LRCH3: variants seen among roughly 807,000 people sequenced by gnomAD.
The protein encoded by LRCH3 is leucine rich repeats and calponin homology domain containing 3, also known as DISP complex protein LRCH3.
LRCH3 carries 68 observed loss-of-function variants against 104.5 expected under a neutral mutation model. The ratio of observed to expected loss-of-function variants is 0.65; its 90% CI spans 0.54 to 0.80. The LOEUF (loss-of-function observed/expected upper bound fraction) is 0.80. LRCH3 is among the 30% of genes least tolerant of loss of function. The probability of loss-of-function intolerance (pLI) is 0.00; values close to 1 mark genes in which losing one functional copy is unlikely to be tolerated. For missense variants in LRCH3, 951 were observed against 953.9 expected (o/e 1.00, Z 0.04); for synonymous variants, 344 against 361.3 (o/e 0.95, Z 0.54).
chr3:197,880,297 C>A (rs1713630820), intron 20 of LRCH3, among the ~76,000 whole-genome samples: 1 of 152,176 alleles, frequency 6.6e-6, no homozygotes, highest in African/African-American at 2.4e-5. Flanking sequence ...GAATTTTATT[C>A]TGCTATTTAG....
Position 197,835,693 on chromosome 3 carries a change from G to C in LRCH3, c.1122G>C (p.Gln374His). The C allele has an allele frequency of 6.2e-7, 1 of 1,613,680 alleles. No homozygotes were observed. Among genetic ancestry groups the C allele is most frequent in the Non-Finnish European group, 8.5e-7 (1 of 1,179,842 alleles). Residue 374 changes from glutamine (Q) to histidine (H), a missense_variant, in exon 9 of 21, where the codon CAG (glutamine) becomes CAC (histidine). Gln to His is a conservative substitution (Grantham distance 24). Transcript: ENST00000425562. ...ATACAGTGGAACATGATCTGGATCA[G>C]ATTGACTACATAGACAGCTGCACCG... is the stretch of plus-strand genomic sequence containing the variant. The part of the protein sequence containing the change: ...TNGGVEHDLD[Q>H]IDYIDSCTAE...
chr3:197,849,552 C>T (rs1022056246), intron 12 of LRCH3, among the ~76,000 whole-genome samples: 3 of 152,122 alleles, frequency 2.0e-5, no homozygotes, highest in African/African-American at 7.2e-5. Flanking sequence ...AACCATTTCT[C>T]TTTCCCTTAA....
chr3:197,804,428 A>C (rs1189135830), intron 1 of LRCH3, among the ~76,000 whole-genome samples: 1 of 152,012 alleles, frequency 6.6e-6, no homozygotes, highest in Non-Finnish European at 1.5e-5. Context: ...CCTCAGCTGC[A>C]CCCCTCCTTA....
intron 20 of LRCH3, among the ~76,000 whole-genome samples, chr3:197,879,457 T>A (rs184728368): frequency 1.8e-4 from 27 of 150,418 alleles, no homozygotes; most frequent in Non-Finnish European, 8.8e-5. Flanking sequence ...CCATCCTGGC[T>A]AACATGGTGA....
chr3:197,814,679 C>T (rs2109183761), intron 1 of LRCH3, among the ~76,000 whole-genome samples: 1 of 152,252 alleles, frequency 6.6e-6, no homozygotes, highest in African/African-American at 2.4e-5. Flanking sequence ...AAAACCTCAG[C>T]ATATTTTCTG....
intron 10 of LRCH3, among the ~76,000 whole-genome samples, chr3:197,843,858 A>G (rs1738198172): frequency 6.6e-6 from 1 of 152,222 alleles, no homozygotes; most frequent in Non-Finnish European, 1.5e-5. Context: ...AATATTTCTT[A>G]AGCACTATAG....
chr3:197,859,070 A>G lies in LRCH3; in HGVS notation c.1716+165A>G, dbSNP rs1191881396. ...ATTGATTTCCCTTGAAATTTTTTGA[A>G]AGTTTTATGATGCTAGAGATAGTCA... On this transcript the variant is annotated intron_variant, in intron 15 of 20. Coordinates refer to ENST00000425562, the MANE Select transcript of LRCH3 (RefSeq NM_001365715.1). 2.2e-5 allele frequency: 14 copies of G among 624,982 alleles called. No individual in the cohort carries two copies. In the Admixed American group the frequency reaches 2.6e-4, roughly 12 times the overall value. 38.7% of individuals were successfully genotyped at this position (624,982 alleles called of 1,614,324 possible). A position where few individuals can be genotyped will look rare whatever the true frequency, so the allele number is the denominator to read the frequency against.
At position 197,883,668 on chromosome 3, in the gene LRCH3, G is replaced by T. The variant is rs551785943; in HGVS notation, c.*2G>T. The T allele has an allele frequency of 2.0e-6, 3 of 1,535,698 alleles. No homozygotes were observed. In the Admixed American group the frequency reaches 5.9e-5, roughly 30 times the overall value. On this transcript the variant is annotated 3_prime_UTR_variant, in exon 21 of 21. Coordinates refer to ENST00000425562, the MANE Select transcript of LRCH3 (RefSeq NM_001365715.1). This position sits in a 1 kb window ranked among gnomAD's most constrained non-coding sequence, Gnocchi z 4.2. ...CAGCACCAGTTATCTGCTGTTTGAG[G>T]ATCCCCAGGACGGTGGGCACTGGCC...
chr3:197,863,331 C>T (rs966401695), intron 15 of LRCH3, among the ~76,000 whole-genome samples: 14 of 152,128 alleles, frequency 9.2e-5, no homozygotes, highest in Non-Finnish European at 1.2e-4. Flanking sequence ...GGCGCCATCT[C>T]GGCTCACTGC....
intron 1 of LRCH3, among the ~76,000 whole-genome samples, chr3:197,794,138 A>G (rs1302183636): frequency 4.6e-5 from 7 of 152,200 alleles, no homozygotes; most frequent in African/African-American, 1.7e-4. Flanking sequence ...AGCTATCACC[A>G]CTATATAGTA....
intron 17 of LRCH3, 60 bp from the exon 18 acceptor site, chr3:197,870,100 C>A (rs1057012389): frequency 1.3e-6 from 2 of 1,566,322 alleles, no homozygotes; most frequent in Admixed American, 1.7e-5. Context: ...TGAGGCAGAG[C>A]CGGATGTTCT....
intron 19 of LRCH3, among the ~76,000 whole-genome samples, chr3:197,875,077 C>T (rs1712716540): frequency 6.6e-6 from 1 of 151,918 alleles, no homozygotes; most frequent in African/African-American, 2.4e-5. Flanking sequence ...ATTACAGGTG[C>T]CCGCCACCAC....
At chr3:197,843,965 GTGCTA>G (rs910470656) in intron 10 of LRCH3, among the ~76,000 whole-genome samples, 1 of 152,186 alleles carries the variant, frequency 6.6e-6, no homozygotes, top group Non-Finnish European at 1.5e-5. Flanking sequence ...GTACTGCTAG[GTGCTA>G]TGAAGAAAAA....
At chr3:197,851,405 G>A (rs1253473828) in intron 12 of LRCH3, among the ~76,000 whole-genome samples, 1 of 152,174 alleles carries the variant, frequency 6.6e-6, no homozygotes, top group Admixed American at 6.5e-5. Context: ...AACTGGTTAG[G>A]AAGAAAGACT....
chr3:197,797,327 C>CAAAAAAAAAA (rs3085302), intron 1 of LRCH3, among the ~76,000 whole-genome samples: 1 of 71,528 alleles, frequency 1.4e-5, no homozygotes, highest in Non-Finnish European at 2.4e-5. Flanking sequence ...AACTCCATCT[C>CAAAAAAAAAA]AAAAAAAAAA....
intron 4 of LRCH3, chr3:197,822,806 A>C (rs1316762303): frequency 6.7e-6 from 1 of 150,032 alleles, no homozygotes; most frequent in Non-Finnish European, 1.5e-5. Flanking sequence ...AATATTAAGA[A>C]TCTTTTTTTT....
At chr3:197,875,885 A>G (rs1048067011) in intron 20 of LRCH3, 110 bp downstream of exon 20, 1 of 655,774 alleles carries the variant, frequency 1.5e-6, no homozygotes, top group East Asian at 2.8e-5. Context: ...TAAGTCGATC[A>G]TAATTAACAT....
intron 10 of LRCH3, among the ~76,000 whole-genome samples, chr3:197,839,675 A>G (rs969045164): frequency 2.6e-5 from 4 of 152,216 alleles, no homozygotes; most frequent in African/African-American, 9.6e-5. Flanking sequence ...ATTCATGCAC[A>G]AAAAGGGCTA....
chr3:197,799,722 G>A (rs887147718), intron 1 of LRCH3, among the ~76,000 whole-genome samples: 1 of 151,994 alleles, frequency 6.6e-6, no homozygotes, highest in Non-Finnish European at 1.5e-5. Context: ...CAAAAAATTA[G>A]CTGGCTGTGG....
Sources: allele counts gnomAD v4.1 joint callset (sites outside exome capture counted in the v4.1 genomes callset), GRCh38; gene constraint gnomAD v4.1.1; non-coding constraint Gnocchi (gnomAD v3.1); transcripts MANE v1.5; gene names NCBI Gene and HGNC (gene_info 2026-07-23, HGNC 2026-07-21).